TWSG1: variants seen among roughly 807,000 people sequenced by gnomAD.
The protein encoded by TWSG1 is twisted gastrulation protein homolog 1.
A neutral mutation model predicts 23.0 loss-of-function variants in TWSG1; 15 were observed. That is an observed-to-expected ratio of 0.65 (90% CI 0.44 to 1.00). The LOEUF (loss-of-function observed/expected upper bound fraction) is 1.00. Among genes scored for constraint, TWSG1 ranks in the 50% least tolerant of loss-of-function variants. The probability of loss-of-function intolerance (pLI) is 0.00; values close to 1 mark genes in which losing one functional copy is unlikely to be tolerated. For missense variants in TWSG1, 242 were observed against 278.7 expected, an observed-to-expected ratio of 0.87 and a Z score of 0.94; for synonymous variants, 86 against 92.8, an observed-to-expected ratio of 0.93 and a Z score of 0.42.
At chr18:9,353,511 A>G (rs1423114969) in intron 2 of TWSG1, among the ~76,000 whole-genome samples, 2 of 152,240 alleles carry the variant, frequency 1.3e-5, no homozygotes, top group East Asian at 3.8e-4. Flanking sequence ...GCTCAAATGT[A>G]TAAATTTCAG....
At chr18:9,369,280 T>G (rs1235078854) in intron 3 of TWSG1, among the ~76,000 whole-genome samples, 1 of 152,182 alleles carries the variant, frequency 6.6e-6, no homozygotes, top group Non-Finnish European at 1.5e-5. Flanking sequence ...CTTTGCCCGT[T>G]TCTTTTGAGT....
intron 2 of TWSG1, among the ~76,000 whole-genome samples, chr18:9,355,619 A>G (rs1161017348): frequency 6.6e-6 from 1 of 152,184 alleles, no homozygotes; most frequent in Non-Finnish European, 1.5e-5. Flanking sequence ...TCATTGTTTC[A>G]GTTTGTTTCT....
At chr18:9,341,097 A>G (rs1444680958) in intron 2 of TWSG1, among the ~76,000 whole-genome samples, 1 of 152,076 alleles carries the variant, frequency 6.6e-6, no homozygotes, top group Admixed American at 6.5e-5. Flanking sequence ...TGATCCTGCT[A>G]TATGATCTCT....
chr18:9,346,892 G>T (rs559215363), intron 2 of TWSG1, among the ~76,000 whole-genome samples: 16 of 152,304 alleles, frequency 1.1e-4, no homozygotes, highest in Non-Finnish European at 1.9e-4. Context: ...GTTTAGTTTT[G>T]TAAGAAATTG....
intron 3 of TWSG1, among the ~76,000 whole-genome samples, chr18:9,375,326 A>T (rs1367904478): frequency 6.6e-6 from 1 of 152,190 alleles, no homozygotes; most frequent in Non-Finnish European, 1.5e-5. Flanking sequence ...CTAGGACTAG[A>T]GGGAAACTTT....
intron 4 of TWSG1, among the ~76,000 whole-genome samples, chr18:9,397,788 C>G (rs4798806): frequency 0.48 from 72,149 of 151,822 alleles, 18,157 homozygotes; most frequent in East Asian, 0.71. Context: ...GGCACATCAC[C>G]TGAGGTCGGG....
intron 3 of TWSG1, among the ~76,000 whole-genome samples, chr18:9,372,693 CAAATG>C (rs1174899936): frequency 6.6e-6 from 1 of 151,574 alleles, no homozygotes; most frequent in Non-Finnish European, 1.5e-5. Context: ...ATGGTTTATT[CAAATG>C]TGAACTTGAT....
intron 2 of TWSG1, among the ~76,000 whole-genome samples, chr18:9,347,913 C>T (rs1283582366): frequency 6.6e-6 from 1 of 152,054 alleles, no homozygotes; most frequent in Non-Finnish European, 1.5e-5. Flanking sequence ...GTGTCCCCTT[C>T]CCCCAACTCT....
rs1249828882 is a variant in TWSG1, at chr18:9,400,755, A to G, written c.*1228A>G. 1.3e-5 allele frequency: 2 copies of G among 152,236 alleles called. No individual in the cohort carries two copies. Among genetic ancestry groups the G allele is most frequent in the African/African-American group, 4.8e-5 (2 of 41,472 alleles). The allele number at this position is 152,236 out of a possible 1,614,324, so 9.4% of individuals were successfully genotyped here. ...CCAAATACACTACAGAATTTAGTCA[A>G]CATTTTATATAATGTTTCAATAAAT... is the stretch of plus-strand genomic sequence containing the variant. On this transcript the variant is annotated 3_prime_UTR_variant, in exon 5 of 5. Coordinates refer to ENST00000262120, the MANE Select transcript of TWSG1 (RefSeq NM_020648.6).
chr18:9,402,096 T>TA lies in TWSG1; in HGVS notation c.*2575dup, dbSNP rs1167796304. 1 of 152,038 alleles carries TA rather than the reference T, an allele frequency of 6.6e-6. No individual in the cohort carries two copies. Among genetic ancestry groups the TA allele is most frequent in the Non-Finnish European group, 1.5e-5 (1 of 67,990 alleles). The allele number at this position is 152,038 out of a possible 1,614,324, so 9.4% of individuals were successfully genotyped here. ...TATTCTGTGTTTATGTAGGGTGGTA[T>TA]AAAAAAGAGGTCTTCATTTAGACAT... is the stretch of plus-strand genomic sequence containing the variant. On this transcript the variant is annotated 3_prime_UTR_variant, in exon 5 of 5. Transcript: ENST00000262120.
At position 9,386,566 on chromosome 18, in the gene TWSG1, C is replaced by T. The variant is rs137991818; in HGVS notation, c.224-9714C>T. On this transcript the variant is annotated intron_variant, in intron 3 of 4. Transcript: ENST00000262120. ...TAATATAACAGGGAAAGAATAGGCA[C>T]TCCAGAAGAATTAAAAAAAAAAGAA... Among the ~76,000 whole-genome samples, 1,230 of 147,300 alleles carry T rather than the reference C, an allele frequency of 8.4e-3. 8 individuals carry two copies. Among genetic ancestry groups the T allele is most frequent in the Non-Finnish European group, 0.014 (916 of 66,870 alleles).
At chr18:9,391,073 G>A (rs919016869) in intron 3 of TWSG1, among the ~76,000 whole-genome samples, 6 of 152,050 alleles carry the variant, frequency 3.9e-5, no homozygotes, top group African/African-American at 1.4e-4. Flanking sequence ...TTAACAACTA[G>A]GTTTACGTAA....
rs1216118568 is a variant in TWSG1 at position 9,386,154 on chromosome 18, A to G, written c.224-10126A>G. Among the ~76,000 whole-genome samples the G allele has an allele frequency of 2.0e-5, 3 of 146,388 alleles. No homozygotes were observed. The Admixed American group carries it at 2.1e-4, about 10-fold the overall frequency. ...ACTGATGCCTGAGCAACACAGCGAGAATCTGTCTCAAAAAAAAAAAAGAAG... is the reference window on the plus strand; with the variant it reads ...ACTGATGCCTGAGCAACACAGCGAGGATCTGTCTCAAAAAAAAAAAAGAAG... On this transcript the variant is annotated intron_variant, in intron 3 of 4. Transcript: ENST00000262120.
In TWSG1 at chr18:9,401,413, A is replaced by G. The variant is rs1321168496; in HGVS notation, c.*1886A>G. On this transcript the variant is annotated 3_prime_UTR_variant, in exon 5 of 5. Transcript: ENST00000262120. ...TTGTGTGTGTGTTGGCAACATGCCT[A>G]ATGTTTTCTTAATGATGACAACAAA... is the stretch of plus-strand genomic sequence containing the variant. 1 of 151,926 alleles carries G rather than the reference A, an allele frequency of 6.6e-6. No homozygotes were observed. Among genetic ancestry groups the G allele is most frequent in the African/African-American group, 2.4e-5 (1 of 41,270 alleles). 9.4% of individuals were successfully genotyped at this position (151,926 alleles called of 1,614,324 possible).
Position 9,382,416 on chromosome 18 carries a change from G to A in TWSG1, c.224-13864G>A, listed in dbSNP as rs559999884. Among the ~76,000 whole-genome samples the A allele has an allele frequency of 3.2e-4, 49 of 152,074 alleles. 1 individual carries two copies. The highest frequency in any genetic ancestry group is 1.9e-3 in the South Asian group (9 of 4,818). ...CGCATGCCTGTAGTCCCAGCTACTC[G>A]AGAGGCTGAGACAGGAGAATCACTT... is the stretch of plus-strand genomic sequence containing the variant. On this transcript the variant is annotated intron_variant, in intron 3 of 4. Coordinates refer to ENST00000262120, the MANE Select transcript of TWSG1 (RefSeq NM_020648.6).
intron 3 of TWSG1, among the ~76,000 whole-genome samples, chr18:9,390,286 C>T (rs575014214): frequency 2.0e-3 from 298 of 152,190 alleles, no homozygotes; most frequent in African/African-American, 6.6e-3. Flanking sequence ...CTCAGCCTCC[C>T]GAGTAGCTGG....
At chr18:9,341,940 T>C (rs1233675790) in intron 2 of TWSG1, among the ~76,000 whole-genome samples, 1 of 152,158 alleles carries the variant, frequency 6.6e-6, no homozygotes, top group Non-Finnish European at 1.5e-5. Context: ...ATGTTTAACA[T>C]CATAGAAAGC....
intron 3 of TWSG1, among the ~76,000 whole-genome samples, chr18:9,361,152 T>G (rs1206302669): frequency 6.6e-6 from 1 of 152,242 alleles, no homozygotes; most frequent in Non-Finnish European, 1.5e-5. Context: ...GGGTGTATGG[T>G]GTACTTCTTG....
chr18:9,349,996 C>T (rs1401649975), intron 2 of TWSG1, among the ~76,000 whole-genome samples: 3 of 151,982 alleles, frequency 2.0e-5, no homozygotes, highest in African/African-American at 4.8e-5. Context: ...AAAAATTAGC[C>T]GAGCATGGTG....
Sources: gnomAD v4.1 joint callset for allele counts (sites outside exome capture counted in the v4.1 genomes callset) on GRCh38, gnomAD v4.1.1 for gene constraint, MANE v1.5 for transcripts, NCBI Gene and HGNC (gene_info 2026-07-23, HGNC 2026-07-21) for gene names.